The following GLT8D2 variants were observed in gnomAD, a reference collection of about 807,000 sequenced individuals.
GLT8D2 encodes glycosyltransferase 8 domain-containing protein 2.
GLT8D2 carries 45 observed loss-of-function variants against 44.5 expected under a neutral mutation model. The observed-to-expected ratio is 1.01, with a 90% CI of 0.80 to 1.30. The LOEUF (loss-of-function observed/expected upper bound fraction) is 1.30, where lower values mean the gene tolerates loss of function less well. Among genes scored for constraint, GLT8D2 ranks in the 50% most tolerant of loss-of-function variants. The pLI is 0.00. For synonymous variants in GLT8D2, 156 were observed against 157.2 expected, an observed-to-expected ratio of 0.99 and a Z score of 0.06; for missense variants, 400 against 430.4, an observed-to-expected ratio of 0.93 and a Z score of 0.62.
chr12:104,015,393 AACACACACAC>A (rs55732553), intron 3 of GLT8D2, among the ~76,000 whole-genome samples: 46 of 126,184 alleles, frequency 3.6e-4, no homozygotes, highest in East Asian at 3.0e-3. Flanking sequence ...AACAACAACA[AACACACACAC>A]ACACACACAC....
chr12:104,027,001 CCA>C (rs1294602605), intron 1 of GLT8D2, among the ~76,000 whole-genome samples: 1 of 152,164 alleles, frequency 6.6e-6, no homozygotes, highest in East Asian at 1.9e-4. Flanking sequence ...TCATAGGTCC[CCA>C]CAGTTTCATG....
intron 1 of GLT8D2, among the ~76,000 whole-genome samples, chr12:104,034,083 A>T (rs1237339470): frequency 6.6e-6 from 1 of 152,252 alleles, no homozygotes; most frequent in African/African-American, 2.4e-5. Context: ...AAATGTTCTT[A>T]TCAATAACTT....
intron 3 of GLT8D2, among the ~76,000 whole-genome samples, chr12:104,015,833 C>T (rs1420767212): frequency 6.6e-6 from 1 of 151,722 alleles, no homozygotes; most frequent in Non-Finnish European, 1.5e-5. Context: ...GAAACCCTAT[C>T]TCTACTAAAT....
intron 1 of GLT8D2, among the ~76,000 whole-genome samples, chr12:104,022,044 G>C (rs867865122): frequency 1.0e-5 from 1 of 98,268 alleles, no homozygotes; most frequent in Non-Finnish European, 2.0e-5. Context: ...AGAAGAAGAA[G>C]AAGAAGAAGA....
chr12:104,034,168 C>T (rs1190118846), intron 1 of GLT8D2, among the ~76,000 whole-genome samples: 1 of 152,182 alleles, frequency 6.6e-6, no homozygotes, highest in Non-Finnish European at 1.5e-5. Context: ...TGCCTGGATT[C>T]CATTCCAAGA....
At chr12:104,024,061 G>A (rs957726892) in intron 1 of GLT8D2, among the ~76,000 whole-genome samples, 2 of 152,038 alleles carry the variant, frequency 1.3e-5, no homozygotes, top group African/African-American at 2.4e-5. Flanking sequence ...GGTCTTTTGG[G>A]TAGATATATA....
chr12:104,007,266 C>CTCTCTCTCTCT (rs1555277856), intron 4 of GLT8D2, among the ~76,000 whole-genome samples: 4 of 133,470 alleles, frequency 3.0e-5, no homozygotes, highest in Non-Finnish European at 6.7e-5. Flanking sequence ...CTCTCTCTCT[C>CTCTCTCTCTCT]CCCCCGCTCT....
At chr12:104,033,360 G>A (rs896400678) in intron 1 of GLT8D2, among the ~76,000 whole-genome samples, 1 of 152,058 alleles carries the variant, frequency 6.6e-6, no homozygotes, top group Non-Finnish European at 1.5e-5. Flanking sequence ...TGACAATATG[G>A]GTGAGCCTGG....
intron 1 of GLT8D2, among the ~76,000 whole-genome samples, chr12:104,055,304 C>A (rs1593578967): frequency 6.6e-6 from 1 of 152,316 alleles, no homozygotes; most frequent in Middle Eastern, 3.4e-3. Context: ...TTCAGGTCAG[C>A]CTCTCAGGAC....
At chr12:103,996,346 A>C (rs889353065) in intron 8 of GLT8D2, among the ~76,000 whole-genome samples, 2 of 152,214 alleles carry the variant, frequency 1.3e-5, no homozygotes, top group African/African-American at 4.8e-5. Context: ...TTTTACAGAA[A>C]ACATCATCTC....
intron 1 of GLT8D2, among the ~76,000 whole-genome samples, chr12:104,032,796 C>A (rs961271303): frequency 6.6e-6 from 1 of 151,506 alleles, no homozygotes; most frequent in Non-Finnish European, 1.5e-5. Flanking sequence ...TATGATGCAG[C>A]TATCCTACTT....
intron 9 of GLT8D2, among the ~76,000 whole-genome samples, 200 bp from the exon 10 acceptor site, chr12:103,993,704 C>T (rs1593526761): frequency 1.3e-5 from 2 of 152,202 alleles, no homozygotes; most frequent in Admixed American, 6.5e-5. Context: ...CTCCTATATA[C>T]ATCACCTAGA....
upstream of GLT8D2, among the ~76,000 whole-genome samples, chr12:104,055,100 A>AC (rs1346318945): frequency 6.6e-6 from 1 of 152,198 alleles, no homozygotes; most frequent in Non-Finnish European, 1.5e-5. Flanking sequence ...GGTTTCCAGG[A>AC]CCTGGAGAGA....
At chr12:104,013,582 A>G (rs887010008) in intron 4 of GLT8D2, among the ~76,000 whole-genome samples, 1 of 152,140 alleles carries the variant, frequency 6.6e-6, no homozygotes, top group African/African-American at 2.4e-5. Context: ...CAGATTATAC[A>G]TGTTTTTAAT....
chr12:104,004,787 G>A (rs528772471), intron 4 of GLT8D2, among the ~76,000 whole-genome samples: 94 of 152,222 alleles, frequency 6.2e-4, no homozygotes, highest in Non-Finnish European at 1.1e-3. Context: ...AATCAATATC[G>A]TGAAAATGGC....
At chr12:104,054,285 G>A (rs985354028), upstream of GLT8D2, among the ~76,000 whole-genome samples, 1 of 151,908 alleles carries the variant, frequency 6.6e-6, no homozygotes, top group African/African-American at 2.4e-5. Flanking sequence ...TCTGTATCTG[G>A]CTTATTTCAC....
chr12:104,055,217 T>A (rs1453364974), intron 1 of GLT8D2, among the ~76,000 whole-genome samples: 1 of 152,088 alleles, frequency 6.6e-6, no homozygotes, highest in Non-Finnish European at 1.5e-5. Context: ...AGCCTCACAG[T>A]CTCCTGTTGG....
intron 1 of GLT8D2, among the ~76,000 whole-genome samples, chr12:104,037,542 T>G (rs1405425464): frequency 2.0e-5 from 3 of 152,114 alleles, no homozygotes; most frequent in African/African-American, 4.8e-5. Flanking sequence ...CTAGAAAATA[T>G]AGAAGAAATG....
chr12:104,044,210 A>G (rs1214225048), intron 1 of GLT8D2, among the ~76,000 whole-genome samples: 1 of 152,064 alleles, frequency 6.6e-6, no homozygotes, highest in Non-Finnish European at 1.5e-5. Flanking sequence ...AGATATCTAC[A>G]TGGCTTGCCC....
Sources: allele counts gnomAD v4.1 joint callset (sites outside exome capture counted in the v4.1 genomes callset), GRCh38; gene constraint gnomAD v4.1.1; transcripts MANE v1.5; gene names NCBI Gene and HGNC (gene_info 2026-07-23, HGNC 2026-07-21).